Variants in TMCC1 observed in about 807,000 individuals in gnomAD.
The protein encoded by TMCC1 is transmembrane and coiled-coil domains protein 1.
Under a neutral mutation model 52.4 loss-of-function variants are expected in TMCC1, and 15 were observed. That is an observed-to-expected ratio of 0.29 (90% CI 0.19 to 0.44). The LOEUF (loss-of-function observed/expected upper bound fraction) is 0.44, where lower values mean the gene tolerates loss of function less well. Ranked by LOEUF, TMCC1 falls within the 20% of genes least tolerant of loss-of-function variation. The probability of loss-of-function intolerance (pLI) is 1.00; values close to 1 mark genes in which losing one functional copy is unlikely to be tolerated. For synonymous variants in TMCC1, 279 were observed against 301.9 expected (o/e 0.92, Z 0.79); for missense variants, 503 against 806.0 (o/e 0.62, Z 4.55).
At chr3:129,750,570 ATTTTTT>A (rs374554261) in intron 4 of TMCC1, among the ~76,000 whole-genome samples, 2 of 89,950 alleles carry the variant, frequency 2.2e-5, no homozygotes. Context: ...ATAGATCTAA[ATTTTTT>A]TTTTTTTTTT....
intron 4 of TMCC1, among the ~76,000 whole-genome samples, chr3:129,725,351 C>T (rs1297535454): frequency 2.6e-5 from 4 of 152,160 alleles, no homozygotes; most frequent in Non-Finnish European, 4.4e-5. Context: ...ACAAGTGATC[C>T]TCCTGCCTTG....
intron 4 of TMCC1, among the ~76,000 whole-genome samples, chr3:129,705,566 C>T (rs1201054338): frequency 6.6e-6 from 1 of 151,356 alleles, no homozygotes; most frequent in Non-Finnish European, 1.5e-5. Flanking sequence ...ATGTCATGCT[C>T]ATTGGCCTGA....
At chr3:129,678,606 C>T (rs1445394415) in intron 4 of TMCC1, among the ~76,000 whole-genome samples, 5 of 151,630 alleles carry the variant, frequency 3.3e-5, no homozygotes, top group African/African-American at 4.9e-5. Flanking sequence ...ATGATCCACC[C>T]GCCTCAGCCT....
intron 2 of TMCC1, among the ~76,000 whole-genome samples, chr3:129,874,791 A>C (rs2061112703): frequency 6.6e-6 from 1 of 152,148 alleles, no homozygotes; most frequent in Non-Finnish European, 1.5e-5. Flanking sequence ...CAGCAGTTTG[A>C]AGTTGCAGTG....
chr3:129,683,769 T>G (rs902515856), intron 4 of TMCC1, among the ~76,000 whole-genome samples: 2 of 152,120 alleles, frequency 1.3e-5, no homozygotes, highest in Non-Finnish European at 2.9e-5. Flanking sequence ...GAGTCCCCAG[T>G]GTCTATTACT....
At chr3:129,868,135 G>GC (rs372791719) in intron 2 of TMCC1, among the ~76,000 whole-genome samples, 2,356 of 8,816 alleles carry the variant, frequency 0.27, 46 homozygotes, top group African/African-American at 0.28. Context: ...GGCAGGCAGA[G>GC]GGGGGAAAAA....
intron 4 of TMCC1, among the ~76,000 whole-genome samples, chr3:129,758,968 T>C (rs2403522): frequency 0.87 from 131,856 of 152,182 alleles, 57,815 homozygotes; most frequent in East Asian, 1. Flanking sequence ...TATATTGCAG[T>C]ATGTATGTAG....
chr3:129,843,315 C>T (rs1387354065), intron 2 of TMCC1, among the ~76,000 whole-genome samples: 1 of 151,790 alleles, frequency 6.6e-6, no homozygotes, highest in Non-Finnish European at 1.5e-5. Context: ...CCACTGCACT[C>T]CAGCCTAGGA....
intron 2 of TMCC1, among the ~76,000 whole-genome samples, chr3:129,876,488 G>C (rs1479131033): frequency 6.6e-6 from 1 of 151,692 alleles, no homozygotes; most frequent in Non-Finnish European, 1.5e-5. Context: ...TTAAAATCCT[G>C]AAGACATGAA....
intron 4 of TMCC1, among the ~76,000 whole-genome samples, chr3:129,755,688 G>A (rs1217841901): frequency 1.3e-5 from 2 of 152,162 alleles, no homozygotes; most frequent in African/African-American, 4.8e-5. Context: ...AAAACCCCTA[G>A]ATAGCATTAC....
rs572219626 is a variant in TMCC1 at position 129,653,386 on chromosome 3, T to G, written c.1647+1582A>C. Among the ~76,000 whole-genome samples the G allele has an allele frequency of 2.6e-5, 4 of 152,360 alleles. No individual in the cohort carries two copies. In the South Asian group the frequency reaches 8.3e-4, roughly 32 times the overall value. On this transcript the variant is annotated intron_variant, in intron 6 of 6. Coordinates refer to ENST00000393238, the MANE Select transcript of TMCC1 (RefSeq NM_001017395.5). ...TAAGAAGGGCACACTCTCCTTTAGT[T>G]TGATCCTCTGTAAAGAGGACACTAT...
intron 4 of TMCC1, among the ~76,000 whole-genome samples, chr3:129,717,834 A>AT (rs984640093): frequency 2.6e-5 from 4 of 152,172 alleles, no homozygotes; most frequent in African/African-American, 9.7e-5. Context: ...TCTTGCCCAC[A>AT]TATCTGTTCT....
chr3:129,738,653 T>C (rs150677862), intron 4 of TMCC1, among the ~76,000 whole-genome samples: 5 of 152,276 alleles, frequency 3.3e-5, no homozygotes, highest in African/African-American at 1.2e-4. Context: ...AGTGAACACT[T>C]TTGAGTTTTC....
chr3:129,820,892 G>C (rs1038521870), intron 4 of TMCC1, among the ~76,000 whole-genome samples: 10 of 152,208 alleles, frequency 6.6e-5, no homozygotes, highest in African/African-American at 2.2e-4. Flanking sequence ...GCACTGTTCA[G>C]AGGTTAGTAA....
chr3:129,774,422 C>A (rs189512671), intron 4 of TMCC1, among the ~76,000 whole-genome samples: 8 of 152,148 alleles, frequency 5.3e-5, no homozygotes, highest in Admixed American at 2.0e-4. Flanking sequence ...CCACAGCTCA[C>A]CTTCAATAAA....
At chr3:129,791,329 G>A (rs147894347) in intron 4 of TMCC1, among the ~76,000 whole-genome samples, 365 of 152,088 alleles carry the variant, frequency 2.4e-3, no homozygotes, top group Non-Finnish European at 4.1e-3. Flanking sequence ...TCCTGACTTC[G>A]TGATCTACCC....
intron 5 of TMCC1, among the ~76,000 whole-genome samples, chr3:129,660,143 A>G (rs2086925764): frequency 6.6e-6 from 1 of 151,704 alleles, no homozygotes; most frequent in South Asian, 2.1e-4. Context: ...TTTTTCTCTA[A>G]GCCTTTGTTG....
At chr3:129,825,779 G>A (rs753463760) in intron 4 of TMCC1, among the ~76,000 whole-genome samples, 59 of 152,150 alleles carry the variant, frequency 3.9e-4, no homozygotes, top group Admixed American at 7.9e-4. Context: ...CCACCGGTTG[G>A]GTAAGAGGGA....
At chr3:129,711,014 C>A (rs2048639496) in intron 4 of TMCC1, among the ~76,000 whole-genome samples, 3 of 152,160 alleles carry the variant, frequency 2.0e-5, no homozygotes, top group Admixed American at 6.5e-5. Context: ...CAGGCGCCTG[C>A]CACCATGCCC....
Sources: allele counts gnomAD v4.1 joint callset (sites outside exome capture counted in the v4.1 genomes callset), GRCh38; gene constraint gnomAD v4.1.1; transcripts MANE v1.5; gene names NCBI Gene and HGNC (gene_info 2026-07-23, HGNC 2026-07-21).